Variants in DNAH10 observed in about 807,000 individuals in gnomAD.
DNAH10 encodes dynein axonemal heavy chain 10.
A neutral mutation model predicts 506.6 loss-of-function variants in DNAH10; 348 were observed. That is an observed-to-expected ratio of 0.69 (90% CI 0.63 to 0.75). DNAH10 has a LOEUF of 0.75. Among genes scored for constraint, DNAH10 ranks in the 30% least tolerant of loss-of-function variants. The pLI is 0.00. For missense variants in DNAH10, 5,179 were observed against 5,787.1 expected, an observed-to-expected ratio of 0.89 and a Z score of 3.41; for synonymous variants, 2,059 against 2,198.6, an observed-to-expected ratio of 0.94 and a Z score of 1.78.
In DNAH10 at chr12:123,762,627, G is replaced by A; in HGVS notation, c.214+77G>A. 7.0e-7 allele frequency: 1 copy of A among 1,423,512 alleles called. No individual in the cohort carries two copies. The highest frequency in any genetic ancestry group is 9.4e-7 in the Non-Finnish European group (1 of 1,065,674). 88.2% of individuals were successfully genotyped at this position (1,423,512 alleles called of 1,614,324 possible). On this transcript the variant is annotated intron_variant, in intron 1 of 78. Transcript: ENST00000673944. The surrounding 1 kb of genome is among the most constrained non-coding windows in gnomAD (Gnocchi z 5.0). ...GGCCTCTCCGGCGGGCGCCGGGGCT[G>A]CTAGAGCCTGCCCATCGTCCGGCCC...
At chr12:123,894,171 G>T (rs1480620462) in intron 53 of DNAH10, among the ~76,000 whole-genome samples, 1 of 141,684 alleles carries the variant, frequency 7.1e-6, no homozygotes, top group Non-Finnish European at 1.5e-5. Flanking sequence ...GGTCACTGCA[G>T]CCTCGACCTC....
At chr12:123,789,814 G>C (rs555173830) in intron 10 of DNAH10, 113 bp from the exon 11 acceptor site, 3 of 983,668 alleles carry the variant, frequency 3.0e-6, no homozygotes, top group Non-Finnish European at 3.1e-6. Context: ...GGAGGTTACT[G>C]TGTGACATGA....
chr12:123,886,773 T>C (rs964632651), intron 51 of DNAH10, among the ~76,000 whole-genome samples: 8 of 152,150 alleles, frequency 5.3e-5, no homozygotes, highest in Admixed American at 3.9e-4. Flanking sequence ...TTTAAACTTA[T>C]GTCCTTATTC....
At chr12:123,879,874 C>T (rs577030144) in intron 50 of DNAH10, 73 bp downstream of exon 50, 44 of 1,535,922 alleles carry the variant, frequency 2.9e-5, no homozygotes, top group African/African-American at 4.1e-5. Flanking sequence ...CTGAGCATCG[C>T]GCGGGTGCCC....
Position 123,926,711 on chromosome 12 carries a change from T to C in DNAH10, c.11996T>C (p.Ile3999Thr). 1 of 1,614,038 alleles carries C rather than the reference T, an allele frequency of 6.2e-7. No individual in the cohort carries two copies. The highest frequency in any genetic ancestry group is 8.5e-7 in the Non-Finnish European group (1 of 1,179,900). Residue 3999 changes from isoleucine to threonine, a missense_variant, in exon 69 of 79, where the codon ATC (isoleucine) becomes ACC (threonine). By Grantham distance (89) the Ile-to-Thr change is moderately conservative. This residue lies in a region of DNAH10 where 4,844 missense variants were observed against 5,430.5 expected (regional missense o/e 0.89). Transcript: ENST00000673944. The surrounding 1 kb of genome is among the most constrained non-coding windows in gnomAD (Gnocchi z 4.1). ...QSTPHSPIVF[I>T]LSPGSDPATD... ...ACTCCACATTCGCCCATTGTGTTTA[T>C]CCTGAGTCCTGGCTCCGACCCTGCC...
At chr12:123,877,189 G>T (rs1952291738) in intron 47 of DNAH10, among the ~76,000 whole-genome samples, 1 of 152,088 alleles carries the variant, frequency 6.6e-6, no homozygotes, top group Non-Finnish European at 1.5e-5. Flanking sequence ...TTCCATGTTG[G>T]GTATTTCATA....
At chr12:123,881,017 A>T (rs1285613025) in intron 50 of DNAH10, among the ~76,000 whole-genome samples, 1 of 152,012 alleles carries the variant, frequency 6.6e-6, no homozygotes. Context: ...TCCATGGTGT[A>T]TATGTGCCAC....
intron 65 of DNAH10, among the ~76,000 whole-genome samples, chr12:123,921,569 G>C (rs921571047): frequency 6.6e-6 from 1 of 152,048 alleles, no homozygotes; most frequent in African/African-American, 2.4e-5. Flanking sequence ...GGTACTGCCA[G>C]TTCCTGAGCT....
rs778898926 is a variant in DNAH10 at position 123,800,400 on chromosome 12, C to A, written c.2462+12C>A. On this transcript the variant is annotated intron_variant, in intron 15 of 78. Coordinates refer to ENST00000673944, the MANE Select transcript of DNAH10 (RefSeq NM_001372106.1). ...GACAAATTCCTTAGGTAAAAAAATT[C>A]TTCTTTTAAATTAGCAGTAAGCTTT... 8 of 1,609,570 alleles carry A rather than the reference C, an allele frequency of 5.0e-6. No individual in the cohort carries two copies. The highest frequency in any genetic ancestry group is 1.7e-5 in the Admixed American group (1 of 59,116).
intron 15 of DNAH10, 39 bp from the exon 16 acceptor site, chr12:123,801,242 G>C (rs746393134): frequency 1.9e-6 from 3 of 1,595,786 alleles, no homozygotes; most frequent in African/African-American, 1.3e-5. Context: ...GAGCTTAAAG[G>C]TGCTCTCCTC....
intron 27 of DNAH10, among the ~76,000 whole-genome samples, chr12:123,834,858 G>A (rs151100259): frequency 1.7e-4 from 26 of 152,290 alleles, no homozygotes; most frequent in East Asian, 1.2e-3. Flanking sequence ...CAGTGCTTCC[G>A]TCCTTTTTAT....
chr12:123,824,555 G>C (rs1282207215), intron 24 of DNAH10, among the ~76,000 whole-genome samples: 1 of 152,132 alleles, frequency 6.6e-6, no homozygotes, highest in African/African-American at 2.4e-5. Context: ...AGACCAGGAG[G>C]CTGAAAACAA....
At chr12:123,765,601 C>T (rs201975710) in intron 1 of DNAH10, among the ~76,000 whole-genome samples, 53 of 78,722 alleles carry the variant, frequency 6.7e-4, no homozygotes, top group African/African-American at 2.3e-3. Flanking sequence ...TCTATCTATA[C>T]ATACCTCTAT....
intron 39 of DNAH10, among the ~76,000 whole-genome samples, chr12:123,863,850 T>G (rs1951698494): frequency 6.6e-6 from 1 of 152,334 alleles, no homozygotes; most frequent in East Asian, 1.9e-4. Flanking sequence ...AAATACTTTC[T>G]TTATTCTTGA....
rs1481803529 is a variant in DNAH10, at chr12:123,845,820, A to G, written c.5581A>G (p.Ile1861Val). The G allele has an allele frequency of 1.2e-6, 2 of 1,613,750 alleles. No individual in the cohort carries two copies. Among genetic ancestry groups the G allele is most frequent in the African/African-American group, 1.3e-5 (1 of 74,926 alleles). The change falls in exon 31 of 79, where the codon ATC (isoleucine) becomes GTC (valine). Residue 1861 changes from isoleucine (I) to valine (V), a missense_variant. Transcript: ENST00000673944. ...NDRKKYNTVL[I>V]IDVHARDIVD... Reference sequence around the variant, plus strand: ...CAGGAAAAAATACAACACTGTTCTCATCATTGATGTGCATGCCAGAGACAT... The same window carrying G: ...CAGGAAAAAATACAACACTGTTCTCGTCATTGATGTGCATGCCAGAGACAT...
At chr12:123,772,619 G>A (rs752500309) in intron 3 of DNAH10, among the ~76,000 whole-genome samples, 3 of 152,204 alleles carry the variant, frequency 2.0e-5, no homozygotes, top group Non-Finnish European at 4.4e-5. Context: ...TTGCTGTACT[G>A]GTTGGTCAAT....
chr12:123,928,022 A>C lies in DNAH10; in HGVS notation c.12106-365A>C, dbSNP rs1955022353. ...GGGCCCTGAAGATCTTACAGTGGCC[A>C]GGACAGTCCCGACTTCCTGGTGGGC... On this transcript the variant is annotated intron_variant, in intron 69 of 78. Transcript: ENST00000673944. The surrounding 1 kb of genome is among the most constrained non-coding windows in gnomAD (Gnocchi z 4.9). 9.0e-6 allele frequency: 3 copies of C among 333,010 alleles called. No homozygotes were observed. Among genetic ancestry groups the C allele is most frequent in the Non-Finnish European group, 1.7e-5 (3 of 180,898 alleles). 20.6% of individuals were successfully genotyped at this position (333,010 alleles called of 1,614,324 possible).
In DNAH10 at chr12:123,879,703, C is replaced by G. The variant is rs1952417266; in HGVS notation, c.8536C>G (p.Pro2846Ala). ...TGACGTGGAGGTGGTGATGAGGGAT[C>G]CCATATTGTTTGGAGACTTCCAGAT... The part of the protein sequence containing the change: ...KDDVEVVMRD[P>A]ILFGDFQMAL... Residue 2846 changes from proline (P) to alanine (A), a missense_variant, in exon 50 of 79, where the codon CCC becomes GCC. This residue lies in a region of DNAH10 where 4,844 missense variants were observed against 5,430.5 expected (regional missense o/e 0.89). Coordinates refer to ENST00000673944, the MANE Select transcript of DNAH10 (RefSeq NM_001372106.1). 2 of 1,613,808 alleles carry G rather than the reference C, an allele frequency of 1.2e-6. No individual in the cohort carries two copies. The highest frequency in any genetic ancestry group is 2.7e-5 in the African/African-American group (2 of 74,904).
chr12:123,767,468 G>A lies in DNAH10; in HGVS notation c.215-138G>A. 6.6e-6 allele frequency: 5 copies of A among 753,390 alleles called. No individual in the cohort carries two copies. In the East Asian group the frequency reaches 1.6e-4, roughly 24 times the overall value. 46.7% of individuals were successfully genotyped at this position (753,390 alleles called of 1,614,324 possible). On this transcript the variant is annotated intron_variant, in intron 1 of 78. Coordinates refer to ENST00000673944, the MANE Select transcript of DNAH10 (RefSeq NM_001372106.1). ...CTGGCTCCATCCAGTAAGGAATACT[G>A]CTGTACCACTGTAACATAACGAGTC...
Sources: allele counts gnomAD v4.1 joint callset (sites outside exome capture counted in the v4.1 genomes callset), GRCh38; gene constraint gnomAD v4.1.1; regional missense constraint gnomAD v4.1.1; non-coding constraint Gnocchi (gnomAD v3.1); transcripts MANE v1.5; gene names NCBI Gene and HGNC (gene_info 2026-07-23, HGNC 2026-07-21).